The following EHBP1L1 variants were observed in gnomAD, a reference collection of about 807,000 sequenced individuals.
EHBP1L1 encodes EH domain-binding protein 1-like protein 1.
EHBP1L1 carries 122 observed loss-of-function variants against 151.1 expected under a neutral mutation model. The observed-to-expected ratio is 0.81, with a 90% CI of 0.70 to 0.94. The LOEUF is 0.94. EHBP1L1 is among the 40% of genes least tolerant of loss of function. The pLI is 0.00. For missense variants in EHBP1L1, 1,941 were observed against 1,959.8 expected (o/e 0.99, Z 0.18); for synonymous variants, 878 against 810.1 (o/e 1.08, Z -1.42).
rs1206528596 is a variant in EHBP1L1 at position 65,585,195 on chromosome 11, G to A, written c.3537G>A (p.Ala1179=). The change falls in exon 12 of 19, where the codon GCG becomes GCA. Residue 1179 remains alanine, a synonymous_variant. Coordinates refer to ENST00000309295, the MANE Select transcript of EHBP1L1 (RefSeq NM_001099409.3). The surrounding 1 kb of genome is among the most constrained non-coding windows in gnomAD (Gnocchi z 4.0). ...ACGACCTGGACGCCGGAGGCCTGGC[G>A]CAGCGGCTGCGCGGTCACGGGGCCG... The part of the protein sequence containing the change: ...PPDDLDAGGL[A]QRLRGHGAEG... 4 of 1,221,278 alleles carry A rather than the reference G, an allele frequency of 3.3e-6. No homozygotes were observed. In the South Asian group the frequency reaches 9.3e-5, roughly 28 times the overall value. The allele number at this position is 1,221,278 out of a possible 1,614,324, so 75.7% of individuals were successfully genotyped here.
Position 65,582,541 on chromosome 11 carries a change from T to C in EHBP1L1, c.1869T>C (p.Ala623=). ...CAAGGGTCCTGGAGTCAGAGGTTGC[T>C]GGGACAGCACAGTGTGAGGGACTGG... ...ARSRVLESEV[A]GTAQCEGLET... is the part of the protein sequence containing the mutation. Residue 623 remains alanine, a synonymous_variant, in exon 9 of 19, where the codon GCT becomes GCC. Transcript: ENST00000309295. 1 of 1,613,364 alleles carries C rather than the reference T, an allele frequency of 6.2e-7. No individual in the cohort carries two copies.
Position 65,585,321 on chromosome 11 carries a change from C to CG in EHBP1L1, c.3667dup (p.Ala1223GlyfsTer95). 1 of 1,083,754 alleles carries CG rather than the reference C, an allele frequency of 9.2e-7. No individual in the cohort carries two copies. Among genetic ancestry groups the CG allele is most frequent in the Admixed American group, 5.4e-5 (1 of 18,436 alleles). The allele number at this position is 1,083,754 out of a possible 1,614,324, so 67.1% of individuals were successfully genotyped here. A position where few individuals can be genotyped will look rare whatever the true frequency, so the allele number is the denominator to read the frequency against. On this transcript the variant is annotated frameshift_variant, in exon 12 of 19. Coordinates refer to ENST00000309295, the MANE Select transcript of EHBP1L1 (RefSeq NM_001099409.3). LOFTEE classifies it high-confidence loss of function. The surrounding 1 kb of genome is among the most constrained non-coding windows in gnomAD (Gnocchi z 4.0). ...TCGCGGGCCGCGCCTCCAAGGACGG[C>CG]GGGGCCGAGGCCCCCCGAGAGTCGC...
Position 65,581,316 on chromosome 11 carries a change from C to T in EHBP1L1, c.809C>T (p.Ala270Val), listed in dbSNP as rs779526088. The T allele has an allele frequency of 1.0e-4, 166 of 1,610,378 alleles. No individual in the cohort carries two copies. Among genetic ancestry groups the T allele is most frequent in the Non-Finnish European group, 1.3e-4 (152 of 1,178,874 alleles). Residue 270 changes from alanine (A) to valine (V), a missense_variant, in exon 8 of 19, where the codon GCG (alanine) becomes GTG (valine). Ala to Val is a moderately conservative substitution (Grantham distance 64). Transcript: ENST00000309295. ...RGQGSERANE[A>V]GGQVGPEAPR... ...CAGGGGTCAGAACGAGCTAATGAAG[C>T]GGGGGGCCAGGTAGGCCCTGAGGCC...
chr11:65,579,208 G>A, intron 2 of EHBP1L1, 73 bp downstream of exon 2: 1 of 1,535,686 alleles, frequency 6.5e-7, no homozygotes, highest in Non-Finnish European at 8.8e-7. Context: ...GGCTGATGGG[G>A]GAGTGGAGTG....
At position 65,583,413 on chromosome 11, in the gene EHBP1L1, C is replaced by T. The variant is rs1401270310; in HGVS notation, c.2741C>T (p.Ser914Phe). 1 of 1,613,374 alleles carries T rather than the reference C, an allele frequency of 6.2e-7. No individual in the cohort carries two copies. The highest frequency in any genetic ancestry group is 1.1e-5 in the South Asian group (1 of 91,048). Residue 914 changes from serine (S) to phenylalanine (F), a missense_variant, in exon 9 of 19, where the codon TCC becomes TTC. Transcript: ENST00000309295. ...GTCACTCAGCCAAGAGTTTTAGGAT[C>T]CCAGGAAGCAAAAGCAGAGATTTCA... ...APVTQPRVLGSQEAKAEISGV... is the reference protein window; with the variant it reads ...APVTQPRVLGFQEAKAEISGV...
intron 11 of EHBP1L1, 40 bp downstream of exon 11, chr11:65,584,574 C>A: frequency 6.3e-7 from 1 of 1,597,906 alleles, no homozygotes; most frequent in Non-Finnish European, 8.5e-7. Flanking sequence ...GAAGGAGGGT[C>A]TGGAGAGCCA....
intron 1 of EHBP1L1, among the ~76,000 whole-genome samples, chr11:65,576,717 GA>G (rs1374912933): frequency 6.6e-6 from 1 of 152,208 alleles, no homozygotes; most frequent in Non-Finnish European, 1.5e-5. Context: ...TCTTGTGCCA[GA>G]AAGGTGGTTC....
chr11:65,584,867 T>A (rs1281979642), intron 11 of EHBP1L1, 92 bp from the exon 12 acceptor site: 15 of 1,471,932 alleles, frequency 1.0e-5, no homozygotes, highest in African/African-American at 1.4e-5. Context: ...GGGGTGCCAA[T>A]CCCGGGGACC....
chr11:65,592,256 A>G lies in EHBP1L1; in HGVS notation c.4526A>G (p.Lys1509Arg), dbSNP rs1193915475. 6.5e-7 allele frequency: 1 copy of G among 1,533,072 alleles called. No individual in the cohort carries two copies. Among genetic ancestry groups the G allele is most frequent in the Non-Finnish European group, 8.7e-7 (1 of 1,145,924 alleles). The allele number at this position is 1,533,072 out of a possible 1,614,324, so 95.0% of individuals were successfully genotyped here. A position where few individuals can be genotyped will look rare whatever the true frequency, so the allele number is the denominator to read the frequency against. Reference sequence around the variant, plus strand: ...CGCGGCCTGGAACAGCGGCGCCGCAAGCTGAGCCGGCAGTTGAGCCGGCGG... The same window carrying G: ...CGCGGCCTGGAACAGCGGCGCCGCAGGCTGAGCCGGCAGTTGAGCCGGCGG... Reference protein sequence around the residue: ...LERGLEQRRRKLSRQLSRRER... With the variant: ...LERGLEQRRRRLSRQLSRRER... The change falls in exon 19 of 19, where the codon AAG becomes AGG. Residue 1509 changes from lysine (K) to arginine (R), a missense_variant. Coordinates refer to ENST00000309295, the MANE Select transcript of EHBP1L1 (RefSeq NM_001099409.3).
intron 8 of EHBP1L1, 69 bp downstream of exon 8, chr11:65,581,442 C>A (rs1857605510): frequency 6.9e-6 from 10 of 1,442,920 alleles, no homozygotes; most frequent in Non-Finnish European, 9.2e-6. Flanking sequence ...CCCCCACCAA[C>A]CTGCCTCCAG....
Position 65,580,092 on chromosome 11 carries a change from G to A in EHBP1L1, c.324G>A (p.Gly108=), listed in dbSNP as rs771908834. The change falls in exon 5 of 19, where the codon GGG becomes GGA. Residue 108 remains glycine, a synonymous_variant. Transcript: ENST00000309295. ...WTFIIENESK[G]QRKVLATAEV... is the part of the protein sequence containing the mutation. ...CCCCTGGCCCACAGGAGTCTAAGGG[G>A]CAGCGGAAGGTGCTGGCCACGGCCG... The A allele has an allele frequency of 3.7e-6, 6 of 1,612,972 alleles. No individual in the cohort carries two copies. The highest frequency in any genetic ancestry group is 5.1e-6 in the Non-Finnish European group (6 of 1,179,372).
At chr11:65,580,930 C>T (rs563387025) in intron 6 of EHBP1L1, 128 bp from the exon 7 acceptor site, 436 of 1,448,292 alleles carry the variant, frequency 3.0e-4, no homozygotes, top group Middle Eastern at 2.8e-3. Context: ...TCTCGCAGGC[C>T]GGGGCGGTGC....
intron 12 of EHBP1L1, among the ~76,000 whole-genome samples, chr11:65,588,321 G>T (rs1006001030): frequency 6.6e-6 from 1 of 152,220 alleles, no homozygotes; most frequent in Admixed American, 6.5e-5. Context: ...CCAGGGGGCG[G>T]TGTCTAGGCG....
chr11:65,592,199 C>T lies in EHBP1L1; in HGVS notation c.4473-4C>T. The T allele has an allele frequency of 6.4e-7, 1 of 1,569,656 alleles. No individual in the cohort carries two copies. Among genetic ancestry groups the T allele is most frequent in the South Asian group, 1.1e-5 (1 of 87,778 alleles). ...GAGCGCTGACTCGAACCCGTTCTCC[C>T]CAGCGCCCTGGAGGAGGACGAGCGC... On this transcript the variant is annotated splice_region_variant and splice_polypyrimidine_tract_variant and intron_variant, in intron 18 of 18. Coordinates refer to ENST00000309295, the MANE Select transcript of EHBP1L1 (RefSeq NM_001099409.3).
Position 65,583,500 on chromosome 11 carries a change from G to A in EHBP1L1, c.2828G>A (p.Gly943Glu), listed in dbSNP as rs1857754977. ...RVQEAEAGVWGMSEGKSGAWG... is the reference protein window; with the variant it reads ...RVQEAEAGVWEMSEGKSGAWG... ...CAGGAGGCAGAGGCTGGGGTTTGGG[G>A]GATGTCAGAGGGCAAATCTGGGGCT... Residue 943 changes from glycine to glutamate, a missense_variant, in exon 9 of 19, where the codon GGG (glycine) becomes GAG (glutamate). By Grantham distance (98) the Gly-to-Glu change is moderately conservative (BLOSUM62 -2). Transcript: ENST00000309295. The A allele has an allele frequency of 6.2e-7, 1 of 1,613,478 alleles. No individual in the cohort carries two copies. The highest frequency in any genetic ancestry group is 8.5e-7 in the Non-Finnish European group (1 of 1,179,744).
rs773239350 is a variant in EHBP1L1, at chr11:65,585,464, G to A, written c.3806G>A (p.Arg1269His). 2.6e-6 allele frequency: 4 copies of A among 1,530,378 alleles called. No individual in the cohort carries two copies. Among genetic ancestry groups the A allele is most frequent in the Non-Finnish European group, 3.5e-6 (4 of 1,143,804 alleles). The allele number at this position is 1,530,378 out of a possible 1,614,324, so 94.8% of individuals were successfully genotyped here. ...NGEPGSVPPPRAHGSFSHVRD... is the reference protein window; with the variant it reads ...NGEPGSVPPPHAHGSFSHVRD... Reference sequence around the variant, plus strand: ...GAGCCCGGGTCGGTGCCCCCGCCCCGCGCGCACGGCTCCTTCTCCCACGTG... The same window carrying A: ...GAGCCCGGGTCGGTGCCCCCGCCCCACGCGCACGGCTCCTTCTCCCACGTG... The change falls in exon 12 of 19, where the codon CGC becomes CAC. Residue 1269 changes from arginine to histidine, a missense_variant. By Grantham distance (29) the Arg-to-His change is conservative (BLOSUM62 0). Coordinates refer to ENST00000309295, the MANE Select transcript of EHBP1L1 (RefSeq NM_001099409.3). This position sits in a 1 kb window ranked among gnomAD's most constrained non-coding sequence, Gnocchi z 4.0.
intron 11 of EHBP1L1, 25 bp from the exon 12 acceptor site, chr11:65,584,934 G>C (rs752309865): frequency 2.3e-4 from 346 of 1,530,924 alleles, no homozygotes; most frequent in Non-Finnish European, 2.7e-4. Context: ...CGCCGCCGCT[G>C]ACCCCGAGTG....
chr11:65,582,974 G>T lies in EHBP1L1; in HGVS notation c.2302G>T (p.Ala768Ser), dbSNP rs763918523. 6.2e-7 allele frequency: 1 copy of T among 1,613,046 alleles called. No homozygotes were observed. Among genetic ancestry groups the T allele is most frequent in the East Asian group, 2.2e-5 (1 of 44,890 alleles). ...LLGVLGIETG[A>S]AEGAILGTQE... ...GGGGGTTCTGGGAATAGAGACTGGG[G>T]CAGCAGAAGGTGCGATATTGGGGAC... Residue 768 changes from alanine to serine, a missense_variant, in exon 9 of 19, where the codon GCA becomes TCA. Ala to Ser is a moderately conservative substitution (Grantham distance 99). Transcript: ENST00000309295.
chr11:65,583,111 A>G lies in EHBP1L1; in HGVS notation c.2439A>G (p.Thr813=). ...AGGTTCCAGAGATAGCGACTGGGAC[A>G]GCAGAAACTGAGATATTGGGGACCC... is the stretch of plus-strand genomic sequence containing the variant. The part of the protein sequence containing the change: ...GSEVPEIATG[T]AETEILGTQE... The change falls in exon 9 of 19, where the codon ACA becomes ACG. Residue 813 remains threonine, a synonymous_variant. Coordinates refer to ENST00000309295, the MANE Select transcript of EHBP1L1 (RefSeq NM_001099409.3). 6.2e-7 allele frequency: 1 copy of G among 1,613,432 alleles called. No homozygotes were observed.
Sources: allele counts gnomAD v4.1 joint callset (sites outside exome capture counted in the v4.1 genomes callset), GRCh38; gene constraint gnomAD v4.1.1; non-coding constraint Gnocchi (gnomAD v3.1); transcripts MANE v1.5; gene names NCBI Gene and HGNC (gene_info 2026-07-23, HGNC 2026-07-21).